SMAP1: variants seen among roughly 807,000 people sequenced by gnomAD.
The protein encoded by SMAP1 is stromal membrane-associated protein 1.
In SMAP1, 24 loss-of-function variants were observed where a neutral mutation model predicts 58.5. That is an observed-to-expected ratio of 0.41 (90% CI 0.30 to 0.58). SMAP1 has a LOEUF of 0.58. SMAP1 is among the 20% of genes least tolerant of loss of function. SMAP1 has a pLI of 0.29. For synonymous variants in SMAP1, 216 were observed against 196.6 expected, an observed-to-expected ratio of 1.10 and a Z score of -0.82; for missense variants, 563 against 566.3, an observed-to-expected ratio of 0.99 and a Z score of 0.06.
intron 1 of SMAP1, among the ~76,000 whole-genome samples, chr6:70,697,700 T>A (rs1767466884): frequency 1.3e-5 from 2 of 152,204 alleles, no homozygotes; most frequent in African/African-American, 4.8e-5. Flanking sequence ...GTTTTTTGAC[T>A]TGATGTTACC....
At chr6:70,773,599 G>C (rs1257060617) in intron 4 of SMAP1, among the ~76,000 whole-genome samples, 174 bp downstream of exon 4, 1 of 152,126 alleles carries the variant, frequency 6.6e-6, no homozygotes, top group Non-Finnish European at 1.5e-5. Flanking sequence ...CAGAAGTCTT[G>C]ATTTAGAAAG....
At chr6:70,713,319 C>G (rs530237251) in intron 1 of SMAP1, among the ~76,000 whole-genome samples, 1 of 151,898 alleles carries the variant, frequency 6.6e-6, no homozygotes, top group Non-Finnish European at 1.5e-5. Context: ...TGGGTTAAGT[C>G]TGTTCTTATT....
At chr6:70,712,412 T>C (rs1476644853) in intron 1 of SMAP1, among the ~76,000 whole-genome samples, 2 of 152,262 alleles carry the variant, frequency 1.3e-5, no homozygotes, top group African/African-American at 4.8e-5. Flanking sequence ...GTGGCATCTT[T>C]GTCCAGCTTT....
Position 70,668,756 on chromosome 6 carries a change from G to A in SMAP1, c.118+615G>A, listed in dbSNP as rs987984368. On this transcript the variant is annotated intron_variant, in intron 1 of 10. Coordinates refer to ENST00000370455, the MANE Select transcript of SMAP1 (RefSeq NM_001044305.3). ...TACGGAATAAATTAATTGGAGAAAG[G>A]TCTTTATTAGTAGTAGTATTGTTTT... is the stretch of plus-strand genomic sequence containing the variant. 3 of 1,530,110 alleles carry A rather than the reference G, an allele frequency of 2.0e-6. No individual in the cohort carries two copies. The African/African-American group carries it at 4.1e-5, about 21-fold the overall frequency. 94.8% of individuals were successfully genotyped at this position (1,530,110 alleles called of 1,614,324 possible).
chr6:70,860,267 C>G lies in SMAP1; in HGVS notation c.1337C>G (p.Ser446Cys), dbSNP rs933216810. 1.2e-6 allele frequency: 2 copies of G among 1,613,770 alleles called. No individual in the cohort carries two copies. The highest frequency in any genetic ancestry group is 8.5e-7 in the Non-Finnish European group (1 of 1,179,868). Reference sequence around the variant, plus strand: ...CCTACTGCAGGTTTTGGCCAGCCCTCCAGCACAACAGCAGGATGGTCTGGA... The same window carrying G: ...CCTACTGCAGGTTTTGGCCAGCCCTGCAGCACAACAGCAGGATGGTCTGGA... ...ATPTAGFGQP[S>C]STTAGWSGSS... Residue 446 changes from serine to cysteine, a missense_variant, in exon 11 of 11, where the codon TCC becomes TGC. By Grantham distance (112) the Ser-to-Cys change is moderately radical. This residue lies in a region of SMAP1 where 494 missense variants were observed against 473.8 expected (regional missense o/e 1.04). Coordinates refer to ENST00000370455, the MANE Select transcript of SMAP1 (RefSeq NM_001044305.3).
chr6:70,758,494 C>T (rs979278592), intron 3 of SMAP1, among the ~76,000 whole-genome samples: 4 of 151,566 alleles, frequency 2.6e-5, no homozygotes, highest in African/African-American at 9.7e-5. Flanking sequence ...ACATTGTGCA[C>T]ATGTACCCTA....
intron 1 of SMAP1, among the ~76,000 whole-genome samples, chr6:70,720,767 G>C (rs1768487681): frequency 6.6e-6 from 1 of 152,084 alleles, no homozygotes. Flanking sequence ...AGCCATGGCT[G>C]GAGCGGAGAG....
chr6:70,782,296 A>G lies in SMAP1; in HGVS notation c.414+8871A>G, dbSNP rs188391464. On this transcript the variant is annotated intron_variant, in intron 4 of 10. Transcript: ENST00000370455. ...CAAGCCAATGAACTTTCAAAGAACA[A>G]TTACTGAGATTGAGCCTCCTTTTGG... Among the ~76,000 whole-genome samples the G allele has an allele frequency of 2.1e-3, 326 of 152,328 alleles. 1 individual carries two copies. The highest frequency in any genetic ancestry group is 6.1e-3 in the African/African-American group (255 of 41,574).
intron 5 of SMAP1, among the ~76,000 whole-genome samples, chr6:70,797,933 C>T (rs1225136586): frequency 2.0e-5 from 3 of 151,926 alleles, no homozygotes; most frequent in Non-Finnish European, 2.9e-5. Flanking sequence ...TTTCATTTTC[C>T]TCTATTGGCC....
chr6:70,670,367 C>T (rs1008803356), intron 1 of SMAP1, among the ~76,000 whole-genome samples: 3 of 152,088 alleles, frequency 2.0e-5, no homozygotes, highest in African/African-American at 7.2e-5. Flanking sequence ...GGTAAGGCCA[C>T]TTATTGATTT....
chr6:70,729,499 G>A (rs1236516308), intron 1 of SMAP1, among the ~76,000 whole-genome samples: 4 of 149,128 alleles, frequency 2.7e-5, no homozygotes. Context: ...GTGTGTATGT[G>A]TGTATGTATC....
chr6:70,858,673 C>T (rs1250969904), intron 10 of SMAP1: 1 of 155,124 alleles, frequency 6.4e-6, no homozygotes, highest in East Asian at 1.9e-4. Context: ...AAAATCTAGC[C>T]TCATATTCTC....
intron 3 of SMAP1, among the ~76,000 whole-genome samples, chr6:70,758,500 C>T (rs946873356): frequency 2.0e-5 from 3 of 151,310 alleles, no homozygotes; most frequent in Admixed American, 6.6e-5. Flanking sequence ...TGCACATGTA[C>T]CCTAAAACTT....
intron 2 of SMAP1, among the ~76,000 whole-genome samples, chr6:70,742,156 T>TA (rs754843487): frequency 1.3e-5 from 2 of 152,256 alleles, no homozygotes; most frequent in Admixed American, 6.5e-5. Context: ...CCTCATTACT[T>TA]ACGCAGATTT....
At chr6:70,771,019 G>T (rs1034309539) in intron 3 of SMAP1, among the ~76,000 whole-genome samples, 2 of 152,224 alleles carry the variant, frequency 1.3e-5, no homozygotes, top group African/African-American at 2.4e-5. Flanking sequence ...GTCCACTCCA[G>T]ACCCTGTTTG....
At chr6:70,736,440 A>G (rs906621080) in intron 2 of SMAP1, among the ~76,000 whole-genome samples, 1 of 152,074 alleles carries the variant, frequency 6.6e-6, no homozygotes, top group Non-Finnish European at 1.5e-5. Flanking sequence ...AAAGAATGGA[A>G]TACCAGAATT....
In SMAP1 at chr6:70,861,763, A is replaced by AAAT. The variant is rs1771741933; in HGVS notation, c.*1431_*1433dup. On this transcript the variant is annotated 3_prime_UTR_variant, in exon 11 of 11. Transcript: ENST00000370455. ...CCACACGAGAACCTGAAGGGGAAGG[A>AAAT]AATAGCTTGGGTAGCGCACTCTTCA... is the stretch of plus-strand genomic sequence containing the variant. 1.9e-6 allele frequency: 3 copies of AAAT among 1,614,030 alleles called. No homozygotes were observed. In the East Asian group the frequency reaches 6.7e-5, roughly 36 times the overall value.
chr6:70,746,927 T>A (rs532021763), intron 2 of SMAP1, among the ~76,000 whole-genome samples: 2 of 152,318 alleles, frequency 1.3e-5, no homozygotes, highest in African/African-American at 4.8e-5. Context: ...TATTTGGAGA[T>A]AGGGGCTTAA....
chr6:70,776,765 A>G (rs1174842091), intron 4 of SMAP1, among the ~76,000 whole-genome samples: 1 of 152,064 alleles, frequency 6.6e-6, no homozygotes, highest in Non-Finnish European at 1.5e-5. Context: ...TGCCTGACTT[A>G]TTTTACTTAG....
Sources: allele counts gnomAD v4.1 joint callset (sites outside exome capture counted in the v4.1 genomes callset), GRCh38; gene constraint gnomAD v4.1.1; regional missense constraint gnomAD v4.1.1; transcripts MANE v1.5; gene names NCBI Gene and HGNC (gene_info 2026-07-23, HGNC 2026-07-21).